TMEM132D: variants seen among roughly 807,000 people sequenced by gnomAD.
The protein encoded by TMEM132D is transmembrane protein 132D, also known as mature OL transmembrane protein.
TMEM132D carries 21 observed loss-of-function variants against 62.3 expected under a neutral mutation model. The observed-to-expected ratio is 0.34, with a 90% confidence interval of 0.24 to 0.49. The LOEUF is 0.49. Ranked by LOEUF, TMEM132D falls within the 20% of genes least tolerant of loss-of-function variation. The pLI is 0.99. For synonymous variants in TMEM132D, 621 were observed against 575.6 expected, an observed-to-expected ratio of 1.08 and a Z score of -1.13; for missense variants, 1,346 against 1,402.8, an observed-to-expected ratio of 0.96 and a Z score of 0.65.
intron 2 of TMEM132D, among the ~76,000 whole-genome samples, chr12:129,663,241 G>A (rs908416597): frequency 1.3e-5 from 2 of 152,098 alleles, no homozygotes; most frequent in African/African-American, 2.4e-5. Context: ...GGGTTCAAGC[G>A]ATTCTCCTTG....
chr12:129,565,042 G>A lies in TMEM132D; in HGVS notation c.969-33837C>T, dbSNP rs147646562. ...TCTGTGGTTAAACTGTCAGAATGTG[G>A]CTAGCCACATGCTGATGAGAAGAAA... On this transcript the variant is annotated intron_variant, in intron 2 of 8. Transcript: ENST00000422113. Among the ~76,000 whole-genome samples the A allele has an allele frequency of 3.8e-3, 582 of 152,296 alleles. 1 individual carries two copies. The highest frequency in any genetic ancestry group is 0.012 in the Admixed American group (182 of 15,302).
chr12:129,347,911 C>T (rs1356503106), intron 3 of TMEM132D, among the ~76,000 whole-genome samples: 1 of 152,118 alleles, frequency 6.6e-6, no homozygotes, highest in Non-Finnish European at 1.5e-5. Flanking sequence ...TGAAGAGACA[C>T]TTCTCAAAAG....
intron 2 of TMEM132D, among the ~76,000 whole-genome samples, chr12:129,690,578 G>A (rs1226979247): frequency 6.6e-6 from 1 of 152,074 alleles, no homozygotes; most frequent in African/African-American, 2.4e-5. Flanking sequence ...TTTACAAAAA[G>A]GAAAATTATC....
chr12:129,450,177 G>GAAA (rs1873229906), intron 3 of TMEM132D, among the ~76,000 whole-genome samples: 1 of 152,134 alleles, frequency 6.6e-6, no homozygotes. Context: ...ACTCTGTTGA[G>GAAA]AGTTTCTTTT....
At chr12:129,575,444 G>A (rs980108262) in intron 2 of TMEM132D, among the ~76,000 whole-genome samples, 8 of 151,854 alleles carry the variant, frequency 5.3e-5, no homozygotes, top group African/African-American at 1.7e-4. Flanking sequence ...ATAATGTGAA[G>A]ATATCCTTGA....
chr12:129,843,213 C>T (rs1471689232), intron 1 of TMEM132D, among the ~76,000 whole-genome samples: 2 of 151,974 alleles, frequency 1.3e-5, no homozygotes, highest in Non-Finnish European at 2.9e-5. Flanking sequence ...GTCTGATCCA[C>T]ATAAGACTGT....
chr12:129,372,385 T>A (rs1331965273), intron 3 of TMEM132D, among the ~76,000 whole-genome samples: 2 of 152,194 alleles, frequency 1.3e-5, no homozygotes, highest in Non-Finnish European at 2.9e-5. Context: ...AAGCTTCATC[T>A]GTATTTACAG....
chr12:129,567,169 A>G (rs1877388988), intron 2 of TMEM132D, among the ~76,000 whole-genome samples: 1 of 152,238 alleles, frequency 6.6e-6, no homozygotes, highest in Non-Finnish European at 1.5e-5. Context: ...TGTCAACAAT[A>G]CTTGCAAGCT....
intron 1 of TMEM132D, among the ~76,000 whole-genome samples, chr12:129,897,452 A>C (rs929688750): frequency 2.0e-5 from 3 of 152,160 alleles, no homozygotes; most frequent in African/African-American, 7.2e-5. Flanking sequence ...CCTGCCCAGG[A>C]CCCTACACAT....
chr12:129,437,759 C>T (rs1255900879), intron 3 of TMEM132D, among the ~76,000 whole-genome samples: 1 of 150,906 alleles, frequency 6.6e-6, no homozygotes, highest in Non-Finnish European at 1.5e-5. Flanking sequence ...TTAAATTATA[C>T]CTTAAGTTCT....
intron 4 of TMEM132D, among the ~76,000 whole-genome samples, chr12:129,232,283 A>T (rs916616188): frequency 1.3e-5 from 2 of 152,216 alleles, no homozygotes; most frequent in Non-Finnish European, 2.9e-5. Flanking sequence ...GTGAACACAC[A>T]TGCACTCAGA....
intron 4 of TMEM132D, among the ~76,000 whole-genome samples, chr12:129,255,147 G>A (rs992601592): frequency 1.3e-5 from 2 of 152,192 alleles, no homozygotes; most frequent in South Asian, 2.1e-4. Context: ...CACCGCGACT[G>A]CATGATTCTA....
At chr12:129,425,270 C>A (rs940627454) in intron 3 of TMEM132D, among the ~76,000 whole-genome samples, 1 of 152,170 alleles carries the variant, frequency 6.6e-6, no homozygotes, top group African/African-American at 2.4e-5. Flanking sequence ...ATATCTAGCA[C>A]TTGAAACTGC....
intron 2 of TMEM132D, chr12:129,698,328 C>A (rs1881255619): frequency 6.6e-6 from 1 of 151,390 alleles, no homozygotes; most frequent in Admixed American, 6.6e-5. Flanking sequence ...TCCAGCCAGG[C>A]CAAAGGTTTT....
intron 2 of TMEM132D, among the ~76,000 whole-genome samples, chr12:129,673,363 C>T (rs1368162348): frequency 6.6e-6 from 1 of 152,190 alleles, no homozygotes; most frequent in Non-Finnish European, 1.5e-5. Context: ...CAGACAATGA[C>T]AATGACTGGA....
At chr12:129,296,363 TA>T (rs1881576369) in intron 4 of TMEM132D, among the ~76,000 whole-genome samples, 3 of 152,216 alleles carry the variant, frequency 2.0e-5, no homozygotes, top group African/African-American at 7.2e-5. Flanking sequence ...ACAAGTATTT[TA>T]ATATAAGCAC....
chr12:129,137,714 T>A (rs1876625268), intron 5 of TMEM132D, among the ~76,000 whole-genome samples: 2 of 152,168 alleles, frequency 1.3e-5, no homozygotes, highest in South Asian at 4.1e-4. Context: ...ATCCTTGGAA[T>A]GTAGATCTGT....
At chr12:129,636,381 T>C (rs1374951168) in intron 2 of TMEM132D, among the ~76,000 whole-genome samples, 1 of 152,240 alleles carries the variant, frequency 6.6e-6, no homozygotes, top group Non-Finnish European at 1.5e-5. Flanking sequence ...TAGAATTTGG[T>C]ATTTCATTGC....
rs1303158116 is a variant in TMEM132D at position 129,463,461 on chromosome 12, TTTATTTATG to T, written c.1115+67589_1115+67597del. 5.4e-5 allele frequency among the ~76,000 whole-genome samples: 5 copies of T among 93,150 alleles called. No individual in the cohort carries two copies. The South Asian group carries it at 1.6e-3, about 29-fold the overall frequency. 61.1% of individuals were successfully genotyped at this position (93,150 alleles called of 152,430 possible). On this transcript the variant is annotated intron_variant, in intron 3 of 8. Coordinates refer to ENST00000422113, the MANE Select transcript of TMEM132D (RefSeq NM_133448.3). ...TCCTATTTATTTATTTATTTATTTA[TTTATTTATG>T]TATTATTATTATTATTATTATACTT... is the stretch of plus-strand genomic sequence containing the variant.
Sources: gnomAD v4.1 joint callset for allele counts (sites outside exome capture counted in the v4.1 genomes callset) on GRCh38, gnomAD v4.1.1 for gene constraint, MANE v1.5 for transcripts, NCBI Gene and HGNC (gene_info 2026-07-23, HGNC 2026-07-21) for gene names.